The following MAF variants were observed in gnomAD, a reference collection of about 807,000 sequenced individuals.
MAF encodes transcription factor Maf.
MAF carries 10 observed loss-of-function variants against 22.0 expected under a neutral mutation model. The observed-to-expected ratio is 0.45, with a 90% CI of 0.28 to 0.77. The LOEUF is 0.77. Among genes scored for constraint, MAF ranks in the 30% least tolerant of loss-of-function variants. The pLI is 0.12. For synonymous variants in MAF, 337 were observed against 255.8 expected (o/e 1.32, Z -3.03); for missense variants, 544 against 548.4 (o/e 0.99, Z 0.08).
the MAF span, among the ~76,000 whole-genome samples, chr16:79,500,427 C>T: frequency 6.6e-6 from 1 of 152,174 alleles, no homozygotes; most frequent in Admixed American, 6.5e-5. Context: ...AGACAAAAGT[C>T]TCCACAAGAC....
the MAF span, among the ~76,000 whole-genome samples, chr16:79,576,587 G>A: frequency 1.3e-5 from 2 of 151,708 alleles, no homozygotes; most frequent in South Asian, 2.1e-4. Context: ...ATAAACTAAC[G>A]TTGTATGTTT....
At chr16:79,485,056 G>A in the MAF span, among the ~76,000 whole-genome samples, 1 of 152,104 alleles carries the variant, frequency 6.6e-6, no homozygotes, top group Admixed American at 6.6e-5. Flanking sequence ...TGCCTGATTA[G>A]ACTTTTATGA....
At chr16:79,226,379 G>A in the MAF span, among the ~76,000 whole-genome samples, 32 of 152,250 alleles carry the variant, frequency 2.1e-4, no homozygotes, top group African/African-American at 7.7e-4. Flanking sequence ...GGCCTGTCAG[G>A]GGGTGGGGTG....
At chr16:79,507,932 T>A in the MAF span, among the ~76,000 whole-genome samples, 1 of 152,168 alleles carries the variant, frequency 6.6e-6, no homozygotes, top group Non-Finnish European at 1.5e-5. Context: ...TTGGGTTTCA[T>A]GAAAATCTCA....
chr16:79,355,701 CA>C, the MAF span, among the ~76,000 whole-genome samples: 3 of 152,086 alleles, frequency 2.0e-5, no homozygotes, highest in East Asian at 5.8e-4. Flanking sequence ...AAATGTGGTA[CA>C]AAAAGAAATT....
At chr16:79,404,726 C>G in the MAF span, among the ~76,000 whole-genome samples, 1 of 151,994 alleles carries the variant, frequency 6.6e-6, no homozygotes, top group African/African-American at 2.4e-5. Flanking sequence ...CCATCACAAA[C>G]CGAATTTGTG....
At chr16:79,288,845 T>G in the MAF span, among the ~76,000 whole-genome samples, 1 of 152,188 alleles carries the variant, frequency 6.6e-6, no homozygotes, top group Non-Finnish European at 1.5e-5. Context: ...TTCTCCTGCC[T>G]CAGCCTCCTG....
chr16:79,392,945 C>G, the MAF span, among the ~76,000 whole-genome samples: 3 of 152,202 alleles, frequency 2.0e-5, no homozygotes, highest in Admixed American at 2.0e-4. Context: ...TAATGGTGGA[C>G]TCATTCCATT....
chr16:79,276,308 C>T, the MAF span, among the ~76,000 whole-genome samples: 1 of 152,114 alleles, frequency 6.6e-6, no homozygotes, highest in Non-Finnish European at 1.5e-5. Flanking sequence ...TAAATGTTTG[C>T]AGCAGGCCTT....
chr16:79,465,275 A>C, the MAF span, among the ~76,000 whole-genome samples: 1 of 152,178 alleles, frequency 6.6e-6, no homozygotes, highest in Non-Finnish European at 1.5e-5. Context: ...TGGATGAAGA[A>C]CTGATGGCAG....
the MAF span, among the ~76,000 whole-genome samples, chr16:79,502,695 AAATATAAATATAAATATATAT>A: frequency 5.0e-5 from 1 of 19,838 alleles, no homozygotes; most frequent in African/African-American, 1.7e-4. Context: ...ATATAAATAT[AAATATAAATATAAATATATAT>A]ATATATATAT....
the MAF span, among the ~76,000 whole-genome samples, chr16:79,281,065 G>C: frequency 1.3e-5 from 2 of 152,148 alleles, no homozygotes; most frequent in Non-Finnish European, 2.9e-5. Context: ...GAAGGAAAAA[G>C]AGCAGAGAGG....
At chr16:79,453,437 C>G in the MAF span, among the ~76,000 whole-genome samples, 201 of 152,298 alleles carry the variant, frequency 1.3e-3, 1 homozygote, top group African/African-American at 4.7e-3. Flanking sequence ...GATAAAGGAC[C>G]ATTCTGCCAT....
At chr16:79,412,144 C>T in the MAF span, among the ~76,000 whole-genome samples, 1 of 152,150 alleles carries the variant, frequency 6.6e-6, no homozygotes, top group Admixed American at 6.5e-5. Context: ...ATTCACAGGC[C>T]TGTGACTGGG....
chr16:79,546,479 C>T, the MAF span, among the ~76,000 whole-genome samples: 23 of 152,110 alleles, frequency 1.5e-4, no homozygotes, highest in Non-Finnish European at 2.9e-5. Context: ...TGGTTTTCAA[C>T]GTGGAAAGCA....
At chr16:79,244,737 C>A in the MAF span, among the ~76,000 whole-genome samples, 4 of 151,874 alleles carry the variant, frequency 2.6e-5, no homozygotes, top group Admixed American at 2.0e-4. Context: ...CATATGGAAC[C>A]AAAAAAGAGC....
chr16:79,306,147 A>G, the MAF span, among the ~76,000 whole-genome samples: 4 of 152,204 alleles, frequency 2.6e-5, no homozygotes, highest in South Asian at 2.1e-4. Context: ...TCTGCCTCCT[A>G]TGCTTTCTTA....
chr16:79,272,568 C>G, the MAF span, among the ~76,000 whole-genome samples: 2 of 152,242 alleles, frequency 1.3e-5, no homozygotes, highest in African/African-American at 4.8e-5. Context: ...TCATTTGTGA[C>G]CACGTGGCCC....
the MAF span, among the ~76,000 whole-genome samples, chr16:79,521,391 T>C: frequency 4.6e-5 from 7 of 152,088 alleles, no homozygotes; most frequent in Non-Finnish European, 8.8e-5. Context: ...AAAGGAAAAA[T>C]AAAGATCTCT....
Sources: gnomAD v4.1 joint callset for allele counts (sites outside exome capture counted in the v4.1 genomes callset) on GRCh38, gnomAD v4.1.1 for gene constraint, MANE v1.5 for transcripts, NCBI Gene and HGNC (gene_info 2026-07-23, HGNC 2026-07-21) for gene names.